Variants in OSBPL8 observed in about 807,000 individuals in gnomAD.
OSBPL8 encodes the protein oxysterol binding protein like 8.
A neutral mutation model predicts 125.5 loss-of-function variants in OSBPL8; 59 were observed. That is an observed-to-expected ratio of 0.47 (90% CI 0.38 to 0.58). The LOEUF is 0.58. OSBPL8 is among the 20% of genes least tolerant of loss of function. The pLI is 0.00. For synonymous variants in OSBPL8, 330 were observed against 338.9 expected, an observed-to-expected ratio of 0.97 and a Z score of 0.29; for missense variants, 758 against 1,047.8, an observed-to-expected ratio of 0.72 and a Z score of 3.82.
chr12:76,356,525 A>C (rs1333914307), intron 23 of OSBPL8, 101 bp downstream of exon 23: 7 of 708,126 alleles, frequency 9.9e-6, no homozygotes, highest in Non-Finnish European at 1.6e-5. Flanking sequence ...AGCTTAGCTA[A>C]ATGTTATAAA....
intron 1 of OSBPL8, among the ~76,000 whole-genome samples, chr12:76,546,811 A>T (rs1010132465): frequency 2.0e-5 from 3 of 152,212 alleles, no homozygotes; most frequent in Admixed American, 6.5e-5. Context: ...GAGAAAGGTA[A>T]CAAGATCATC....
intron 4 of OSBPL8, among the ~76,000 whole-genome samples, chr12:76,419,228 T>G (rs4444123): frequency 0.21 from 31,525 of 151,968 alleles, 3,516 homozygotes; most frequent in Non-Finnish European, 0.27. Context: ...AGAGCGAGAC[T>G]CCATCTCAAA....
chr12:76,428,163 T>C (rs1455439295), intron 4 of OSBPL8, among the ~76,000 whole-genome samples: 1 of 152,048 alleles, frequency 6.6e-6, no homozygotes, highest in African/African-American at 2.4e-5. Context: ...AGAGACCAAC[T>C]ACATATATCA....
rs1197584695 is a variant in OSBPL8 at position 76,353,902 on chromosome 12, C to A, written c.*1987G>T. ...TACCTATTTAGTCTTAGAAGATACC[C>A]ATACAAATAAAATATTATTTGGACC... On this transcript the variant is annotated 3_prime_UTR_variant, in exon 24 of 24. Coordinates refer to ENST00000261183, the MANE Select transcript of OSBPL8 (RefSeq NM_020841.5). The A allele has an allele frequency of 6.6e-6, 1 of 152,290 alleles. No homozygotes were observed. The highest frequency in any genetic ancestry group is 2.4e-5 in the African/African-American group (1 of 41,422). 9.4% of individuals were successfully genotyped at this position (152,290 alleles called of 1,614,324 possible).
intron 1 of OSBPL8, among the ~76,000 whole-genome samples, chr12:76,548,047 T>C (rs1251778637): frequency 1.3e-5 from 2 of 152,132 alleles, no homozygotes; most frequent in African/African-American, 4.8e-5. Flanking sequence ...AACAAAAAAA[T>C]AGTTCAATAG....
intron 1 of OSBPL8, among the ~76,000 whole-genome samples, chr12:76,558,506 A>G (rs950229098): frequency 2.0e-5 from 3 of 152,234 alleles, no homozygotes; most frequent in African/African-American, 4.8e-5. Flanking sequence ...ACGTCATTTA[A>G]GTCTTCTAGC....
chr12:76,395,603 C>G (rs1481234129), intron 8 of OSBPL8, among the ~76,000 whole-genome samples: 2 of 152,078 alleles, frequency 1.3e-5, no homozygotes, highest in Non-Finnish European at 2.9e-5. Flanking sequence ...GTTCCTAAAA[C>G]CAGTATATAG....
chr12:76,503,624 C>T (rs754002081), intron 1 of OSBPL8, among the ~76,000 whole-genome samples: 9 of 152,130 alleles, frequency 5.9e-5, no homozygotes, highest in Non-Finnish European at 7.4e-5. Flanking sequence ...CTGCAAGCTC[C>T]GCCTCCTGGG....
At chr12:76,417,376 T>C (rs1341802580) in intron 4 of OSBPL8, among the ~76,000 whole-genome samples, 1 of 152,236 alleles carries the variant, frequency 6.6e-6, no homozygotes, top group Non-Finnish European at 1.5e-5. Flanking sequence ...TTTAAGTTTC[T>C]TTTTAATTTG....
intron 4 of OSBPL8, among the ~76,000 whole-genome samples, chr12:76,416,671 T>C (rs1212347045): frequency 6.6e-6 from 1 of 152,108 alleles, no homozygotes; most frequent in African/African-American, 2.4e-5. Context: ...TTTTTATCCC[T>C]AGTCCTTCCC....
At chr12:76,419,473 T>C (rs1869191385) in intron 4 of OSBPL8, among the ~76,000 whole-genome samples, 1 of 152,148 alleles carries the variant, frequency 6.6e-6, no homozygotes, top group Non-Finnish European at 1.5e-5. Flanking sequence ...GCGAATAAGC[T>C]ATGGGGTCAG....
chr12:76,555,556 C>T (rs1475594214), intron 1 of OSBPL8, among the ~76,000 whole-genome samples: 2 of 152,154 alleles, frequency 1.3e-5, no homozygotes, highest in East Asian at 1.9e-4. Flanking sequence ...TTTGTATTTG[C>T]TGAAGTCCTC....
At chr12:76,415,694 C>G (rs989215770) in intron 4 of OSBPL8, among the ~76,000 whole-genome samples, 1 of 152,172 alleles carries the variant, frequency 6.6e-6, no homozygotes, top group African/African-American at 2.4e-5. Flanking sequence ...TCACAATATT[C>G]TCTTACATGT....
rs917671453 is a variant in OSBPL8 at position 76,369,161 on chromosome 12, C to T, written c.2328+53G>A. On this transcript the variant is annotated intron_variant, in intron 21 of 23. Coordinates refer to ENST00000261183, the MANE Select transcript of OSBPL8 (RefSeq NM_020841.5). ...AAATTTTAGTTGGTTGCTATAGATA[C>T]TAAAGATTTAACAGATTTATATACC... The T allele has an allele frequency of 2.4e-5, 37 of 1,571,986 alleles. No homozygotes were observed. The African/African-American group carries it at 4.6e-4, about 19-fold the overall frequency.
At chr12:76,473,453 C>G (rs1031067076) in intron 2 of OSBPL8, among the ~76,000 whole-genome samples, 23 of 152,108 alleles carry the variant, frequency 1.5e-4, no homozygotes, top group African/African-American at 5.6e-4. Context: ...AACTAACCAC[C>G]TCTATTTCTA....
chr12:76,546,354 C>A (rs535311692), intron 1 of OSBPL8, among the ~76,000 whole-genome samples: 1 of 152,228 alleles, frequency 6.6e-6, no homozygotes, highest in South Asian at 2.1e-4. Flanking sequence ...ACAGAGAAAT[C>A]TTCCCTCAGT....
intron 4 of OSBPL8, among the ~76,000 whole-genome samples, chr12:76,432,022 T>C (rs1362965030): frequency 1.3e-5 from 2 of 151,968 alleles, no homozygotes; most frequent in African/African-American, 2.4e-5. Context: ...CAAAATAATA[T>C]CAAGTATCTT....
chr12:76,497,997 C>T (rs538048360), intron 1 of OSBPL8, among the ~76,000 whole-genome samples: 14 of 152,320 alleles, frequency 9.2e-5, no homozygotes, highest in African/African-American at 3.4e-4. Flanking sequence ...CCTTATCATT[C>T]CATTTTAAGG....
At chr12:76,476,428 T>G (rs1368617737) in intron 2 of OSBPL8, among the ~76,000 whole-genome samples, 3 of 151,986 alleles carry the variant, frequency 2.0e-5, no homozygotes, top group Non-Finnish European at 2.9e-5. Flanking sequence ...ATGAGGATAT[T>G]ATAAAACTGA....
Sources: gnomAD v4.1 joint callset for allele counts (sites outside exome capture counted in the v4.1 genomes callset) on GRCh38, gnomAD v4.1.1 for gene constraint, MANE v1.5 for transcripts, NCBI Gene and HGNC (gene_info 2026-07-23, HGNC 2026-07-21) for gene names.